Variants in SNTG1 observed in about 807,000 individuals in gnomAD.
The protein encoded by SNTG1 is gamma-1-syntrophin.
SNTG1 carries 39 observed loss-of-function variants against 74.7 expected under a neutral mutation model. The ratio of observed to expected loss-of-function variants is 0.52; its 90% CI spans 0.40 to 0.68. The LOEUF (loss-of-function observed/expected upper bound fraction) is 0.68. Among genes scored for constraint, SNTG1 ranks in the 30% least tolerant of loss-of-function variants. The pLI is 0.00. For missense variants in SNTG1, 685 were observed against 609.5 expected, an observed-to-expected ratio of 1.12 and a Z score of -1.30; for synonymous variants, 254 against 217.1, an observed-to-expected ratio of 1.17 and a Z score of -1.49.
chr8:50,603,138 C>T (rs541022551), intron 13 of SNTG1, among the ~76,000 whole-genome samples: 69 of 152,160 alleles, frequency 4.5e-4, no homozygotes, highest in African/African-American at 1.6e-3. Flanking sequence ...TCTTTCAGAC[C>T]AATAACTTTT....
chr8:50,206,385 G>A lies in SNTG1; in HGVS notation c.-28+33750G>A, dbSNP rs183233782. 2.4e-3 allele frequency among the ~76,000 whole-genome samples: 368 copies of A among 152,134 alleles called. 2 individuals are homozygous for A. Among genetic ancestry groups the A allele is most frequent in the Middle Eastern group, 0.01 (3 of 294 alleles). Reference sequence around the variant, plus strand: ...CTCTCTGTTTGTCTGTTATTGGTGTGTAAGAATGCTTGTGATTTTTGAACA... The same window carrying A: ...CTCTCTGTTTGTCTGTTATTGGTGTATAAGAATGCTTGTGATTTTTGAACA... On this transcript the variant is annotated intron_variant, in intron 2 of 18. Transcript: ENST00000642720.
At chr8:49,941,461 TAA>T (rs1491164830) in intron 1 of SNTG1, among the ~76,000 whole-genome samples, 2 of 148,192 alleles carry the variant, frequency 1.3e-5, no homozygotes, top group East Asian at 3.9e-4. Context: ...TATATTATAT[TAA>T]TATATATTTA....
chr8:50,751,269 G>GCAAAGTAAAA (rs1214993589), intron 17 of SNTG1, among the ~76,000 whole-genome samples: 4 of 151,938 alleles, frequency 2.6e-5, no homozygotes, highest in Non-Finnish European at 4.4e-5. Flanking sequence ...CTTTGGACAT[G>GCAAAGTAAAA]CATGTTTTTA....
At chr8:50,377,973 C>T (rs145035607) in intron 2 of SNTG1, among the ~76,000 whole-genome samples, 195 of 152,284 alleles carry the variant, frequency 1.3e-3, no homozygotes, top group African/African-American at 4.6e-3. Context: ...GGATGGAAAC[C>T]TCTGTGGCTG....
chr8:50,086,683 A>G (rs1822918806), intron 1 of SNTG1, among the ~76,000 whole-genome samples: 1 of 152,140 alleles, frequency 6.6e-6, no homozygotes, highest in South Asian at 2.1e-4. Context: ...TTTGGGAATC[A>G]ACTGAATGTT....
chr8:50,011,099 C>G (rs567191764), intron 1 of SNTG1, among the ~76,000 whole-genome samples: 1 of 152,152 alleles, frequency 6.6e-6, no homozygotes, highest in African/African-American at 2.4e-5. Context: ...TCACATGGCC[C>G]TGCTTTGAAA....
intron 2 of SNTG1, among the ~76,000 whole-genome samples, chr8:50,369,105 C>T (rs1203768597): frequency 6.6e-6 from 1 of 152,048 alleles, no homozygotes; most frequent in African/African-American, 2.4e-5. Flanking sequence ...ATGTATTTTG[C>T]ATGTGATAAG....
intron 1 of SNTG1, among the ~76,000 whole-genome samples, chr8:50,120,894 A>C (rs1311941463): frequency 7.0e-6 from 1 of 142,142 alleles, no homozygotes; most frequent in African/African-American, 2.5e-5. Flanking sequence ...GAATGAGTGC[A>C]GTTTTGCAGG....
At chr8:50,102,756 C>T (rs1235307896) in intron 1 of SNTG1, among the ~76,000 whole-genome samples, 1 of 150,900 alleles carries the variant, frequency 6.6e-6, no homozygotes. Context: ...AGGAAGGGAT[C>T]CAGTTTCAGC....
intron 17 of SNTG1, among the ~76,000 whole-genome samples, chr8:50,745,312 A>G (rs751500093): frequency 6.6e-6 from 1 of 152,030 alleles, no homozygotes; most frequent in South Asian, 2.1e-4. Context: ...ATCACTAGCC[A>G]TTAGTGAAAT....
chr8:50,027,859 A>T (rs1412345617), intron 1 of SNTG1, among the ~76,000 whole-genome samples: 1 of 152,150 alleles, frequency 6.6e-6, no homozygotes, highest in South Asian at 2.1e-4. Context: ...AATTCATCCC[A>T]TCCCTTAAAT....
chr8:50,243,019 T>A (rs1326086678), intron 2 of SNTG1, among the ~76,000 whole-genome samples: 1 of 152,080 alleles, frequency 6.6e-6, no homozygotes, highest in Non-Finnish European at 1.5e-5. Context: ...TTTGAAATAG[T>A]TTTTTGAATA....
At chr8:50,475,248 A>AATAAT (rs1563439485) in intron 8 of SNTG1, among the ~76,000 whole-genome samples, 2 of 149,648 alleles carry the variant, frequency 1.3e-5, no homozygotes, top group African/African-American at 2.5e-5. Context: ...ATAATAATAA[A>AATAAT]AAAGAGCATG....
rs2130546552 is a variant in SNTG1, at chr8:50,547,700, T to C, written c.681-5350T>C. ...AATAAAAATAAAAAGAAATAACCCT[T>C]GAAGAAGTATATGTATTCTGGTAGG... On this transcript the variant is annotated intron_variant, in intron 11 of 18. Coordinates refer to ENST00000642720, the MANE Select transcript of SNTG1 (RefSeq NM_018967.5). Among the ~76,000 whole-genome samples the C allele has an allele frequency of 2.6e-5, 4 of 152,218 alleles. No homozygotes were observed. The East Asian group carries it at 5.8e-4, about 22-fold the overall frequency.
intron 2 of SNTG1, among the ~76,000 whole-genome samples, chr8:50,388,152 C>A (rs1400773318): frequency 2.0e-5 from 3 of 152,132 alleles, no homozygotes; most frequent in African/African-American, 7.2e-5. Context: ...CAGGCATATG[C>A]ATTTTCAGGT....
At chr8:50,361,822 A>G (rs1385625317) in intron 2 of SNTG1, among the ~76,000 whole-genome samples, 1 of 152,318 alleles carries the variant, frequency 6.6e-6, no homozygotes. Flanking sequence ...GCACATTACT[A>G]TACTAAAACT....
At chr8:50,539,771 G>A (rs1420263365) in intron 11 of SNTG1, among the ~76,000 whole-genome samples, 1 of 152,212 alleles carries the variant, frequency 6.6e-6, no homozygotes, top group Non-Finnish European at 1.5e-5. Context: ...TGGAAGAACA[G>A]CTTCTTGCTA....
chr8:50,140,013 A>G (rs1325599455), intron 1 of SNTG1, among the ~76,000 whole-genome samples: 1 of 152,254 alleles, frequency 6.6e-6, no homozygotes. Context: ...TTGCAAAGAA[A>G]ACAATGCAAA....
At chr8:50,507,264 T>C (rs942825047) in intron 9 of SNTG1, among the ~76,000 whole-genome samples, 2 of 152,122 alleles carry the variant, frequency 1.3e-5, no homozygotes, top group Admixed American at 6.6e-5. Context: ...GCATTAATAT[T>C]CATCAGGAAT....
Sources: gnomAD v4.1 joint callset for allele counts (sites outside exome capture counted in the v4.1 genomes callset) on GRCh38, gnomAD v4.1.1 for gene constraint, MANE v1.5 for transcripts, NCBI Gene and HGNC (gene_info 2026-07-23, HGNC 2026-07-21) for gene names.